The following MYH11 variants were observed in gnomAD, a reference collection of about 807,000 sequenced individuals.
The protein encoded by MYH11 is myosin-11.
MYH11 carries 80 observed loss-of-function variants against 246.6 expected under a neutral mutation model. The observed-to-expected ratio is 0.32, with a 90% CI of 0.27 to 0.39. The LOEUF (loss-of-function observed/expected upper bound fraction) is 0.39, where lower values mean the gene tolerates loss of function less well. Ranked by LOEUF, MYH11 falls within the 10% of genes least tolerant of loss-of-function variation. MYH11 has a pLI of 1.00. For synonymous variants in MYH11, 1,071 were observed against 1,015.5 expected (o/e 1.05, Z -1.04); for missense variants, 2,158 against 2,546.8 (o/e 0.85, Z 3.29).
chr16:15,729,652 G>A (rs1412016045), intron 27 of MYH11, among the ~76,000 whole-genome samples: 1 of 151,864 alleles, frequency 6.6e-6, no homozygotes, highest in Non-Finnish European at 1.5e-5. Flanking sequence ...CTGGGTTCAA[G>A]TGATTTTCAT....
At chr16:15,836,052 C>A (rs947735741) in intron 2 of MYH11, among the ~76,000 whole-genome samples, 4 of 152,004 alleles carry the variant, frequency 2.6e-5, no homozygotes, top group African/African-American at 9.7e-5. Context: ...GCCCGGCTCC[C>A]AAGAGGCTGG....
At chr16:15,837,453 T>A (rs548950009) in intron 2 of MYH11, among the ~76,000 whole-genome samples, 1 of 152,098 alleles carries the variant, frequency 6.6e-6, no homozygotes, top group South Asian at 2.1e-4. Context: ...AATAACCTCT[T>A]CAAGGGCTGA....
At chr16:15,789,715 G>C (rs2042563851) in intron 4 of MYH11, among the ~76,000 whole-genome samples, 1 of 152,186 alleles carries the variant, frequency 6.6e-6, no homozygotes. Context: ...CTTCAATCAG[G>C]CTAACGTCAG....
chr16:15,778,643 G>T, intron 7 of MYH11, 137 bp downstream of exon 7: 5 of 906,262 alleles, frequency 5.5e-6, no homozygotes, highest in Non-Finnish European at 9.1e-6. Flanking sequence ...AATGCCTGCT[G>T]TTAAGGGGAG....
intron 40 of MYH11, chr16:15,708,725 G>T: frequency 6.9e-7 from 1 of 1,447,434 alleles, no homozygotes; most frequent in Non-Finnish European, 9.5e-7. Flanking sequence ...AAAAATTGGG[G>T]TGGGCAGAGG....
chr16:15,820,931 G>T (rs2043393482), intron 3 of MYH11, among the ~76,000 whole-genome samples: 1 of 152,120 alleles, frequency 6.6e-6, no homozygotes, highest in South Asian at 2.1e-4. Flanking sequence ...GGAATGCAGT[G>T]GCGTGATCTC....
At chr16:15,754,548 A>G (rs2151270589) in intron 14 of MYH11, among the ~76,000 whole-genome samples, 1 of 152,356 alleles carries the variant, frequency 6.6e-6, no homozygotes, top group Middle Eastern at 3.4e-3. Context: ...TGTTGTCTCT[A>G]TATGCTTAAA....
chr16:15,803,780 G>C (rs539344026), intron 3 of MYH11, among the ~76,000 whole-genome samples: 1 of 152,308 alleles, frequency 6.6e-6, no homozygotes, highest in East Asian at 1.9e-4. Context: ...TATAGGCTCA[G>C]ATGCTCACAG....
intron 2 of MYH11, among the ~76,000 whole-genome samples, chr16:15,826,624 G>A (rs1296913160): frequency 6.8e-6 from 1 of 146,710 alleles, no homozygotes; most frequent in Non-Finnish European, 1.5e-5. Context: ...GAGTGGGAAG[G>A]TCCTTCCAGG....
rs527705458 is a variant in MYH11, at chr16:15,725,160, CACAA to C, written c.3859-172_3859-169del. On this transcript the variant is annotated intron_variant, in intron 28 of 40. Coordinates refer to ENST00000300036, the MANE Select transcript of MYH11 (RefSeq NM_002474.3). The stretch of plus-strand genomic sequence containing the variant: ...AAAAAAAAAAAAAAACACACACACA[CACAA>C]AAAAAACAGAATCTGTGGCTTGAAG... 6.3e-4 allele frequency: 411 copies of C among 649,860 alleles called. 2 individuals are homozygous for C. The African/African-American group carries it at 6.4e-3, about 10-fold the overall frequency. 40.3% of individuals were successfully genotyped at this position (649,860 alleles called of 1,614,324 possible).
At position 15,724,638 on chromosome 16, in the gene MYH11, G is replaced by A. The variant is rs763749557; in HGVS notation, c.4116+9C>T. On this transcript the variant is annotated intron_variant, in intron 30 of 40. Transcript: ENST00000300036. Reference sequence around the variant, plus strand: ...ACCCATGAAGGAAGCAAGGACACGGGGCAGGCACCTGGATGTTGAGAGTGG... The same window carrying A: ...ACCCATGAAGGAAGCAAGGACACGGAGCAGGCACCTGGATGTTGAGAGTGG... 9 of 1,613,898 alleles carry A rather than the reference G, an allele frequency of 5.6e-6. No individual in the cohort carries two copies. The South Asian group carries it at 6.6e-5, about 12-fold the overall frequency.
chr16:15,736,963 T>C (rs548582495), intron 25 of MYH11, among the ~76,000 whole-genome samples: 1 of 152,214 alleles, frequency 6.6e-6, no homozygotes, highest in East Asian at 1.9e-4. Context: ...GGGGGACATT[T>C]AGAAGGACTG....
intron 3 of MYH11, among the ~76,000 whole-genome samples, chr16:15,819,919 T>A (rs16967393): frequency 0.027 from 4,093 of 152,218 alleles, 185 homozygotes; most frequent in African/African-American, 0.092. Flanking sequence ...CTCCGACGAT[T>A]CAGTGGCTTC....
rs200173170 is a variant in MYH11, at chr16:15,733,688, G to A, written c.3507-980C>T. Among the ~76,000 whole-genome samples the A allele has an allele frequency of 1.7e-4, 26 of 151,778 alleles. No homozygotes were observed. The East Asian group carries it at 2.7e-3, about 16-fold the overall frequency. ...CTCCCAAGTAGCTGGGATTACCGAC[G>A]CCCACCACCACGCCCGGCTAATTTT... On this transcript the variant is annotated intron_variant, in intron 26 of 40. Coordinates refer to ENST00000300036, the MANE Select transcript of MYH11 (RefSeq NM_002474.3).
intron 40 of MYH11, among the ~76,000 whole-genome samples, chr16:15,710,633 G>A (rs2039728470): frequency 6.6e-6 from 1 of 152,096 alleles, no homozygotes; most frequent in South Asian, 2.1e-4. Context: ...CAGCCACTCA[G>A]GAGAGGCAGG....
chr16:15,756,170 T>C (rs1169629487), intron 14 of MYH11, among the ~76,000 whole-genome samples, 171 bp downstream of exon 14: 2 of 152,202 alleles, frequency 1.3e-5, no homozygotes, highest in Non-Finnish European at 2.9e-5. Context: ...AGCTGATGCC[T>C]TACAGATGCG....
At chr16:15,744,808 C>A (rs907870698) in intron 20 of MYH11, among the ~76,000 whole-genome samples, 1 of 152,246 alleles carries the variant, frequency 6.6e-6, no homozygotes, top group Admixed American at 6.5e-5. Flanking sequence ...CGGCAGCATT[C>A]TTGAACCATC....
chr16:15,757,682 A>G (rs1426412673), intron 13 of MYH11, 145 bp downstream of exon 13: 2 of 999,380 alleles, frequency 2.0e-6, no homozygotes, highest in South Asian at 2.8e-5. Context: ...ACAAGGATTC[A>G]GCTTACAGCC....
intron 2 of MYH11, 55 bp from the exon 3 acceptor site, chr16:15,823,466 C>T: frequency 1.2e-6 from 2 of 1,601,922 alleles, no homozygotes; most frequent in Middle Eastern, 1.7e-4. Flanking sequence ...AGACAGATTG[C>T]ACAGAAGCAC....
Sources: gnomAD v4.1 joint callset for allele counts (sites outside exome capture counted in the v4.1 genomes callset) on GRCh38, gnomAD v4.1.1 for gene constraint, MANE v1.5 for transcripts, NCBI Gene and HGNC (gene_info 2026-07-23, HGNC 2026-07-21) for gene names.